Variants in ANKMY1 observed in about 807,000 individuals in gnomAD.
ANKMY1 encodes ankyrin repeat and MYND domain containing 1, also known as ankyrin repeat and MYND domain-containing protein 1.
A neutral mutation model predicts 102.0 loss-of-function variants in ANKMY1; 98 were observed. That is an observed-to-expected ratio of 0.96 (90% CI 0.82 to 1.14). The LOEUF (loss-of-function observed/expected upper bound fraction) is 1.14. Among genes scored for constraint, ANKMY1 ranks in the 50% most tolerant of loss-of-function variants. ANKMY1 has a pLI of 0.00. For missense variants in ANKMY1, 1,330 were observed against 1,347.6 expected, an observed-to-expected ratio of 0.99 and a Z score of 0.20; for synonymous variants, 582 against 559.9, an observed-to-expected ratio of 1.04 and a Z score of -0.56.
At chr2:240,495,032 C>T (rs1306339980) in intron 15 of ANKMY1, among the ~76,000 whole-genome samples, 8 of 151,878 alleles carry the variant, frequency 5.3e-5, no homozygotes, top group Non-Finnish European at 8.8e-5. Flanking sequence ...CTAGAAAAAA[C>T]GAGGCCATAC....
the ANKMY1 span, among the ~76,000 whole-genome samples, chr2:240,472,856 G>C: frequency 6.6e-6 from 1 of 152,200 alleles, no homozygotes; most frequent in African/African-American, 2.4e-5. Flanking sequence ...TGGGCATGGT[G>C]GCTCATGCCT....
At chr2:240,558,081 C>T, upstream of ANKMY1, 1 of 747,474 alleles carries the variant, frequency 1.3e-6, no homozygotes, top group Non-Finnish European at 1.6e-6. Context: ...GCACCCGGCC[C>T]CGCCTCCGGG....
intron 14 of ANKMY1, 114 bp downstream of exon 14, chr2:240,500,338 G>A (rs2077967338): frequency 3.2e-6 from 4 of 1,242,624 alleles, no homozygotes; most frequent in South Asian, 1.4e-5. Flanking sequence ...TGCTCTGGGG[G>A]CGGCGCTAGG....
intron 9 of ANKMY1, chr2:240,519,934 T>G: frequency 3.6e-6 from 1 of 281,106 alleles, no homozygotes; most frequent in South Asian, 3.2e-5. Flanking sequence ...CTAAATATTT[T>G]GCGGCTGGAT....
intron 5 of ANKMY1, chr2:240,526,723 ATC>A (rs538390717): frequency 2.2e-6 from 3 of 1,357,792 alleles, no homozygotes; most frequent in Non-Finnish European, 2.9e-6. Context: ...ACATCCATGC[ATC>A]TCTGATTCAT....
intron 17 of ANKMY1, among the ~76,000 whole-genome samples, chr2:240,479,940 G>A (rs973337012): frequency 1.3e-5 from 2 of 152,288 alleles, no homozygotes; most frequent in South Asian, 4.1e-4. Flanking sequence ...GGCTGCGCGC[G>A]GTGGCTCATG....
At chr2:240,483,733 C>T (rs892536889) in intron 15 of ANKMY1, among the ~76,000 whole-genome samples, 5 of 152,150 alleles carry the variant, frequency 3.3e-5, no homozygotes, top group South Asian at 2.1e-4. Flanking sequence ...ATTTGCAGAA[C>T]GTGCAGGTTT....
rs1226194391 is a variant in ANKMY1 at position 240,554,950 on chromosome 2, C to T, written c.252G>A (p.Glu84=). The T allele has an allele frequency of 6.2e-7, 1 of 1,614,210 alleles. No homozygotes were observed. The highest frequency in any genetic ancestry group is 1.3e-5 in the African/African-American group (1 of 75,068). ...SYIQLVQGVQ[E]WQDGCMYQGE... is the part of the protein sequence containing the mutation. ...CCTGGTACATGCAACCATCCTGCCA[C>T]TCCTGCACACCCTGGACGAGCTGGA... The change falls in exon 3 of 18, where the codon GAG becomes GAA. Residue 84 remains glutamate (E), a synonymous_variant. Transcript: ENST00000401804.
rs957111881 is a variant in ANKMY1 at position 240,499,965 on chromosome 2, G to C, written c.2799C>G (p.Cys933Trp). 2.0e-5 allele frequency: 32 copies of C among 1,612,112 alleles called. No individual in the cohort carries two copies. The highest frequency in any genetic ancestry group is 2.7e-5 in the Non-Finnish European group (32 of 1,179,408). ...SQWDPTWLYLCKRAELIPSHR... is the reference protein window; with the variant it reads ...SQWDPTWLYLWKRAELIPSHR... ...GCAGGGCCCACTGCTCACCTCTCTTGCACAGGTACAGCCACGTGGGGTCCC... is the reference window on the plus strand; with the variant it reads ...GCAGGGCCCACTGCTCACCTCTCTTCCACAGGTACAGCCACGTGGGGTCCC... Residue 933 changes from cysteine (C) to tryptophan (W), a missense_variant, in exon 15 of 18, where the codon TGC becomes TGG. Cys to Trp is a radical substitution (Grantham distance 215). Coordinates refer to ENST00000401804, the MANE Select transcript of ANKMY1 (RefSeq NM_001282771.3). This position sits in a 1 kb window ranked among gnomAD's most constrained non-coding sequence, Gnocchi z 4.2.
At chr2:240,556,453 G>A (rs1447702937) in intron 2 of ANKMY1, among the ~76,000 whole-genome samples, 2 of 152,342 alleles carry the variant, frequency 1.3e-5, no homozygotes, top group African/African-American at 2.4e-5. Flanking sequence ...TCTCCGATAA[G>A]TTAAAAGATA....
At position 240,529,419 on chromosome 2, in the gene ANKMY1, G is replaced by C; in HGVS notation, c.571C>G (p.Leu191Val). The C allele has an allele frequency of 6.2e-7, 1 of 1,614,142 alleles. No individual in the cohort carries two copies. Among genetic ancestry groups the C allele is most frequent in the Non-Finnish European group, 8.5e-7 (1 of 1,180,026 alleles). Residue 191 changes from leucine to valine, a missense_variant, in exon 5 of 18, where the codon CTC (leucine) becomes GTC (valine). Coordinates refer to ENST00000401804, the MANE Select transcript of ANKMY1 (RefSeq NM_001282771.3). The surrounding 1 kb of genome is among the most constrained non-coding windows in gnomAD (Gnocchi z 4.2). ...GGGATCTGGGTGCACAGCTTGATGAGCTGCTCTCGGAACCACAGCCCCACG... is the reference window on the plus strand; with the variant it reads ...GGGATCTGGGTGCACAGCTTGATGACCTGCTCTCGGAACCACAGCCCCACG... ...QDVGLWFREQ[L>V]IKLCTQIPSG...
intron 15 of ANKMY1, among the ~76,000 whole-genome samples, chr2:240,488,452 G>C (rs1356444580): frequency 6.6e-6 from 1 of 151,994 alleles, no homozygotes; most frequent in African/African-American, 2.4e-5. Flanking sequence ...TGGCTATTTG[G>C]GATTTTTTTG....
chr2:240,538,663 G>C (rs1224520758), intron 4 of ANKMY1, among the ~76,000 whole-genome samples: 1 of 152,224 alleles, frequency 6.6e-6, no homozygotes. Flanking sequence ...TGGGCGTGCA[G>C]TGAGGCACTG....
intron 4 of ANKMY1, chr2:240,552,657 T>G: frequency 2.0e-6 from 1 of 498,528 alleles, no homozygotes; most frequent in Non-Finnish European, 3.6e-6. Flanking sequence ...TTTACATATT[T>G]AAAAATAAAC....
downstream of ANKMY1, among the ~76,000 whole-genome samples, chr2:240,476,128 A>G (rs1462238346): frequency 2.0e-5 from 3 of 152,268 alleles, no homozygotes; most frequent in African/African-American, 7.2e-5. Context: ...AATCAAAACA[A>G]TATGATACAG....
chr2:240,470,467 C>G, the ANKMY1 span, among the ~76,000 whole-genome samples: 1 of 152,184 alleles, frequency 6.6e-6, no homozygotes. Flanking sequence ...TGCACAGCAG[C>G]CCCTCCCAGA....
chr2:240,546,844 C>T (rs1431679324), intron 4 of ANKMY1, among the ~76,000 whole-genome samples: 9 of 152,140 alleles, frequency 5.9e-5, no homozygotes, highest in South Asian at 2.1e-4. Context: ...AATACAGGAG[C>T]GCCCAGATTC....
intron 11 of ANKMY1, among the ~76,000 whole-genome samples, 153 bp downstream of exon 11, chr2:240,511,708 G>A (rs951060992): frequency 1.3e-5 from 2 of 152,186 alleles, no homozygotes; most frequent in African/African-American, 4.8e-5. Flanking sequence ...CCGTCCTCCC[G>A]CCTTGCCTTG....
intron 15 of ANKMY1, among the ~76,000 whole-genome samples, chr2:240,495,171 C>A (rs541777675): frequency 2.5e-4 from 38 of 152,102 alleles, no homozygotes; most frequent in Non-Finnish European, 5.0e-4. Flanking sequence ...GGAAGACGCC[C>A]GTTACCAAGC....
Sources: allele counts gnomAD v4.1 joint callset (sites outside exome capture counted in the v4.1 genomes callset), GRCh38; gene constraint gnomAD v4.1.1; non-coding constraint Gnocchi (gnomAD v3.1); transcripts MANE v1.5; gene names NCBI Gene and HGNC (gene_info 2026-07-23, HGNC 2026-07-21).